MAGEC3: variants seen among roughly 807,000 people sequenced by gnomAD.
MAGEC3 encodes melanoma-associated antigen C3.
MAGEC3 carries 34 observed loss-of-function variants against 35.3 expected under a neutral mutation model. That is an observed-to-expected ratio of 0.96 (90% CI 0.73 to 1.28). MAGEC3 has a LOEUF of 1.28. Ranked by LOEUF, MAGEC3 falls within the 50% of genes most tolerant of loss-of-function variation. The pLI is 0.00. For missense variants in MAGEC3, 561 were observed against 483.6 expected (o/e 1.16, Z -1.50); for synonymous variants, 202 against 185.6 (o/e 1.09, Z -0.72).
At chrX:141,890,230 A>G (rs1382320545) in intron 4 of MAGEC3, among the ~76,000 whole-genome samples, 1 of 110,997 alleles carries the variant, frequency 9.0e-6, no homozygotes, top group Non-Finnish European at 1.9e-5. Context: ...TTTGAGACAG[A>G]GTCTCGCTCT....
intron 2 of MAGEC3, 136 bp from the exon 3 acceptor site, chrX:141,879,039 G>A: frequency 1.4e-6 from 1 of 716,450 alleles, no homozygotes; most frequent in Admixed American, 4.0e-5. Flanking sequence ...GGCTTATTCG[G>A]AGGTGAAAGA....
intron 2 of MAGEC3, among the ~76,000 whole-genome samples, chrX:141,869,403 A>C (rs1603065672): frequency 8.9e-6 from 1 of 112,563 alleles, no homozygotes; most frequent in East Asian, 2.8e-4. Context: ...TTCACTTTAC[A>C]GGAGTATACT....
chrX:141,873,135 C>G (rs1222904776), intron 2 of MAGEC3, among the ~76,000 whole-genome samples: 1 of 111,927 alleles, frequency 8.9e-6, no homozygotes, highest in Non-Finnish European at 1.9e-5. Context: ...GAGAGGCACT[C>G]TTTCTTACAG....
At chrX:141,869,093 C>G (rs2017870643) in intron 2 of MAGEC3, among the ~76,000 whole-genome samples, 1 of 108,857 alleles carries the variant, frequency 9.2e-6, no homozygotes, top group African/African-American at 3.4e-5. Flanking sequence ...ACCGTGTTAG[C>G]CAGGATGGTC....
chrX:141,873,803 TA>T (rs747620755), intron 2 of MAGEC3, among the ~76,000 whole-genome samples: 1 of 112,125 alleles, frequency 8.9e-6, no homozygotes, highest in Admixed American at 9.5e-5. Context: ...ATAGATTGCC[TA>T]AAATCCCAGT....
At chrX:141,841,142 C>T (rs1488090113) in intron 1 of MAGEC3, among the ~76,000 whole-genome samples, 1 of 111,028 alleles carries the variant, frequency 9.0e-6, no homozygotes, top group African/African-American at 3.3e-5. Context: ...TCTCTTCTTA[C>T]TTACCAGTCA....
chrX:141,872,156 C>T (rs920684028), intron 2 of MAGEC3, among the ~76,000 whole-genome samples: 4 of 111,111 alleles, frequency 3.6e-5, no homozygotes, highest in African/African-American at 6.5e-5. Flanking sequence ...TGCCATTCCT[C>T]GTTATGAAGT....
At position 141,870,250 on chromosome X, in the gene MAGEC3, G is replaced by T. The variant is rs750216330; in HGVS notation, c.258+4645G>T. Among the ~76,000 whole-genome samples, 43 of 111,327 alleles carry T rather than the reference G, an allele frequency of 3.9e-4. 1 individual carries two copies. The highest frequency in any genetic ancestry group is 1.4e-3 in the African/African-American group (43 of 30,618). On this transcript the variant is annotated intron_variant, in intron 2 of 7. Transcript: ENST00000298296. ...AGAGAGAAAGTTAAATTTTACCCTT[G>T]CATTAGTTTGCTAGTAACGTTAACC...
intron 1 of MAGEC3, 96 bp downstream of exon 1, chrX:141,838,534 T>C: frequency 1.8e-6 from 2 of 1,105,062 alleles, no homozygotes; most frequent in Non-Finnish European, 2.4e-6. Context: ...TCCAAGACAG[T>C]GTGCAGTCTG....
rs753333541 is a variant in MAGEC3 at position 141,881,681 on chromosome X, G to A, written c.794G>A (p.Ser265Asn). ...TLDLTCEGSL[S>N]DEQGMPQNRL... is the part of the protein sequence containing the mutation. ...GACCTCACCTGTGAGGGGAGTCTGA[G>A]TGATGAGCAGGGCATGCCCCAGAAC... Residue 265 changes from serine to asparagine, a missense_variant, in exon 4 of 8, where the codon AGT (serine) becomes AAT (asparagine). By Grantham distance (46) the Ser-to-Asn change is conservative (BLOSUM62 1). Transcript: ENST00000298296. The A allele has an allele frequency of 8.3e-7, 1 of 1,211,665 alleles. No individual in the cohort carries two copies. Among genetic ancestry groups the A allele is most frequent in the Non-Finnish European group, 1.1e-6 (1 of 895,472 alleles).
intron 1 of MAGEC3, among the ~76,000 whole-genome samples, 195 bp from the exon 2 acceptor site, chrX:141,865,276 T>A (rs2017840798): frequency 9.0e-6 from 1 of 111,626 alleles, no homozygotes; most frequent in African/African-American, 3.3e-5. Context: ...TTTTGAGGCA[T>A]CTTTTCCTAA....
chrX:141,857,604 T>G (rs1439146416), intron 1 of MAGEC3, among the ~76,000 whole-genome samples: 1 of 111,263 alleles, frequency 9.0e-6, no homozygotes. Context: ...CATGTCAGGC[T>G]TGTTCCTGCC....
chrX:141,894,520 A>C (rs1006698304), intron 4 of MAGEC3: 1 of 486,216 alleles, frequency 2.1e-6, no homozygotes, highest in African/African-American at 2.6e-5. Context: ...AAGGTTTTGG[A>C]ATGGATTTTA....
In MAGEC3 at chrX:141,839,496, T is replaced by C. The variant is rs904741758; in HGVS notation, c.123+1058T>C. 6.6e-6 allele frequency: 5 copies of C among 752,438 alleles called. No homozygotes were observed. The African/African-American group carries it at 7.0e-5, about 10-fold the overall frequency. 62.0% of individuals were successfully genotyped at this position (752,438 alleles called of 1,213,427 possible). ...TATTTGATTATATCTTGAGGTCAAA[T>C]TGATCTTTGCTATTGTCTTGGCTGC... On this transcript the variant is annotated intron_variant, in intron 1 of 7. Coordinates refer to ENST00000298296, the MANE Select transcript of MAGEC3 (RefSeq NM_138702.1).
intron 4 of MAGEC3, among the ~76,000 whole-genome samples, chrX:141,888,229 C>T (rs1245339642): frequency 5.4e-5 from 6 of 111,848 alleles, no homozygotes; most frequent in Non-Finnish European, 1.1e-4. Flanking sequence ...AGCTAGGGCA[C>T]GATATGCAGG....
At chrX:141,850,339 TA>T (rs2017743388) in intron 1 of MAGEC3, among the ~76,000 whole-genome samples, 1 of 110,652 alleles carries the variant, frequency 9.0e-6, no homozygotes, top group Non-Finnish European at 1.9e-5. Flanking sequence ...TACCACGTAA[TA>T]AGTCTGCACC....
Position 141,895,956 on chromosome X carries a change from C to T in MAGEC3, c.1123+397C>T, listed in dbSNP as rs747847443. Among the ~76,000 whole-genome samples, 62 of 111,642 alleles carry T rather than the reference C, an allele frequency of 5.6e-4. No homozygotes were observed. In the Middle Eastern group the frequency reaches 0.032, roughly 58 times the overall value. ...AGGTGGCTGCCACCTCGCTACCTCC[C>T]GCTGCTCTCAGGGATGTGGAGTTTG... On this transcript the variant is annotated intron_variant, in intron 6 of 7. Coordinates refer to ENST00000298296, the MANE Select transcript of MAGEC3 (RefSeq NM_138702.1).
chrX:141,893,453 T>TGTGTG (rs2124127467), intron 4 of MAGEC3, among the ~76,000 whole-genome samples: 1 of 110,568 alleles, frequency 9.0e-6, no homozygotes, highest in South Asian at 3.9e-4. Context: ...TAAAATGGTG[T>TGTGTG]AACAAGTCTG....
At position 141,866,547 on chromosome X, in the gene MAGEC3, G is replaced by A. The variant is rs1037133357; in HGVS notation, c.258+942G>A. On this transcript the variant is annotated intron_variant, in intron 2 of 7. Transcript: ENST00000298296. ...TGCAACCTTTTTGGAAAGCAATCAA[G>A]CCTACAGCGCTTGTACTCTACAACT... Among the ~76,000 whole-genome samples, 6 of 112,289 alleles carry A rather than the reference G, an allele frequency of 5.3e-5. No homozygotes were observed. The East Asian group carries it at 1.1e-3, about 21-fold the overall frequency.
Sources: gnomAD v4.1 joint callset for allele counts (sites outside exome capture counted in the v4.1 genomes callset) on GRCh38, gnomAD v4.1.1 for gene constraint, MANE v1.5 for transcripts, NCBI Gene and HGNC (gene_info 2026-07-23, HGNC 2026-07-21) for gene names.